The following LEPR variants were observed in gnomAD, a reference collection of about 807,000 sequenced individuals.
LEPR encodes OB receptor.
In LEPR, 56 loss-of-function variants were observed where a neutral mutation model predicts 114.7. That is an observed-to-expected ratio of 0.49 (90% CI 0.39 to 0.61). The LOEUF is 0.61. Ranked by LOEUF, LEPR falls within the 20% of genes least tolerant of loss-of-function variation. The pLI is 0.00. For missense variants in LEPR, 1,202 were observed against 1,352.9 expected (o/e 0.89, Z 1.75); for synonymous variants, 443 against 461.4 (o/e 0.96, Z 0.51).
chr1:65,601,771 A>G, intron 9 of LEPR, 72 bp from the exon 10 acceptor site: 1 of 1,588,672 alleles, frequency 6.3e-7, no homozygotes, highest in Non-Finnish European at 8.6e-7. Flanking sequence ...TTAAAGATGT[A>G]AGAAAAAATT....
chr1:65,543,801 G>A lies in LEPR; in HGVS notation c.-20-21745G>A, dbSNP rs546607752. 1.2e-4 allele frequency among the ~76,000 whole-genome samples: 18 copies of A among 151,976 alleles called. No homozygotes were observed. The South Asian group carries it at 1.7e-3, about 14-fold the overall frequency. ...TGTAGATGTGTGGCATTATTTCTGA[G>A]GCCTCTTTTGGTTCCATTGGCCTAT... On this transcript the variant is annotated intron_variant, in intron 2 of 19. Transcript: ENST00000349533.
chr1:65,467,672 C>T (rs538022009), intron 2 of LEPR, among the ~76,000 whole-genome samples: 10 of 152,330 alleles, frequency 6.6e-5, no homozygotes, highest in Middle Eastern at 3.4e-3. Flanking sequence ...TGAGCCTTGC[C>T]GTGCTGCGGT....
At chr1:65,569,328 A>T (rs1236488977) in intron 3 of LEPR, among the ~76,000 whole-genome samples, 5 of 152,232 alleles carry the variant, frequency 3.3e-5, no homozygotes, top group Non-Finnish European at 5.9e-5. Flanking sequence ...TAGTGTCTAT[A>T]TAAGCCAACA....
At chr1:65,507,747 C>T (rs11208658) in intron 2 of LEPR, among the ~76,000 whole-genome samples, 101,498 of 151,732 alleles carry the variant, frequency 0.67, 34,963 homozygotes, top group Middle Eastern at 0.86. Flanking sequence ...TTTTAGTTTT[C>T]ATATTTTTAA....
rs181745152 is a variant in LEPR at position 65,472,703 on chromosome 1, G to A, written c.-21+47325G>A. ...ATGCCAAAGCCACTTTCTCTTCAGA[G>A]CTGCTTAACTACATGAAGAGTGTGC... On this transcript the variant is annotated intron_variant, in intron 2 of 19. Coordinates refer to ENST00000349533, the MANE Select transcript of LEPR (RefSeq NM_002303.6). Among the ~76,000 whole-genome samples, 162 of 151,730 alleles carry A rather than the reference G, an allele frequency of 1.1e-3. 1 individual carries two copies. The highest frequency in any genetic ancestry group is 6.8e-3 in the Middle Eastern group (2 of 294).
rs1557689179 is a variant in LEPR at position 65,601,960 on chromosome 1, G to GGT, written c.1403+1_1403+2dup. 3.1e-6 allele frequency: 5 copies of GGT among 1,611,726 alleles called. No individual in the cohort carries two copies. Among genetic ancestry groups the GGT allele is most frequent in the Non-Finnish European group, 4.2e-6 (5 of 1,178,072 alleles). ...AGCACTTTGCAATTGAGGTATCATA[G>GGT]GTACGTATTATTTTTGCTGTTTTGT... is the stretch of plus-strand genomic sequence containing the variant. On this transcript the variant is annotated frameshift_variant and splice_region_variant. Transcript: ENST00000349533. LOFTEE classifies it high-confidence loss of function.
At chr1:65,501,342 C>T (rs942847651) in intron 2 of LEPR, among the ~76,000 whole-genome samples, 6 of 151,804 alleles carry the variant, frequency 4.0e-5, no homozygotes, top group African/African-American at 1.2e-4. Flanking sequence ...TAGCCTCAGG[C>T]ATTCCTTGTT....
At chr1:65,582,376 A>G (rs940788999) in intron 5 of LEPR, among the ~76,000 whole-genome samples, 6 of 152,134 alleles carry the variant, frequency 3.9e-5, no homozygotes, top group Admixed American at 1.3e-4. Context: ...GTTTTGAGAT[A>G]AATTCTTGGG....
intron 2 of LEPR, among the ~76,000 whole-genome samples, chr1:65,555,668 A>G (rs1409802): frequency 0.74 from 112,383 of 152,066 alleles, 42,603 homozygotes; most frequent in Middle Eastern, 0.9. Flanking sequence ...TTATGGCAAT[A>G]ATGGGAATTT....
In LEPR at chr1:65,544,348, C is replaced by T. The variant is rs564485650; in HGVS notation, c.-20-21198C>T. On this transcript the variant is annotated intron_variant, in intron 2 of 19. Coordinates refer to ENST00000349533, the MANE Select transcript of LEPR (RefSeq NM_002303.6). ...AGCTTAAGGAGATTTTGGGCTGAGACGATGGGGTTTTCTAAATACACAATC... is the reference window on the plus strand; with the variant it reads ...AGCTTAAGGAGATTTTGGGCTGAGATGATGGGGTTTTCTAAATACACAATC... Among the ~76,000 whole-genome samples, 14 of 152,034 alleles carry T rather than the reference C, an allele frequency of 9.2e-5. 1 individual carries two copies. The highest frequency in any genetic ancestry group is 2.7e-4 in the African/African-American group (11 of 41,346).
chr1:65,593,546 A>T (rs911031053), intron 6 of LEPR, among the ~76,000 whole-genome samples: 2 of 152,176 alleles, frequency 1.3e-5, no homozygotes, highest in South Asian at 2.1e-4. Context: ...TTCTCCACTT[A>T]TATTTCCTGA....
At chr1:65,489,899 A>AT (rs945749467) in intron 2 of LEPR, among the ~76,000 whole-genome samples, 4 of 151,414 alleles carry the variant, frequency 2.6e-5, no homozygotes, top group Admixed American at 6.6e-5. Flanking sequence ...AGAAGGCACA[A>AT]TTTTTTTTTC....
At chr1:65,443,869 G>A (rs1570458866) in intron 2 of LEPR, among the ~76,000 whole-genome samples, 3 of 152,124 alleles carry the variant, frequency 2.0e-5, no homozygotes, top group African/African-American at 7.2e-5. Flanking sequence ...GTAAAGAACA[G>A]ACACAGAGGC....
chr1:65,579,830 T>C (rs1010785147), intron 5 of LEPR, among the ~76,000 whole-genome samples: 1 of 152,180 alleles, frequency 6.6e-6, no homozygotes, highest in Non-Finnish European at 1.5e-5. Flanking sequence ...ATATATATAA[T>C]TTCAGAGCAT....
chr1:65,535,868 T>A lies in LEPR; in HGVS notation c.-20-29678T>A, dbSNP rs371341463. On this transcript the variant is annotated intron_variant, in intron 2 of 19. Transcript: ENST00000349533. ...CTGTGGGAATCTCATTTATTAATAC[T>A]TACAATGTGCTTCATATTCCTCTGC... Among the ~76,000 whole-genome samples the A allele has an allele frequency of 4.6e-5, 7 of 152,326 alleles. No individual in the cohort carries two copies. In the East Asian group the frequency reaches 7.7e-4, roughly 17 times the overall value.
chr1:65,433,559 AGCAG>A (rs1646517489), intron 2 of LEPR: 1 of 984,830 alleles, frequency 1.0e-6, no homozygotes, highest in Admixed American at 6.2e-5. Context: ...CTGAGTAATT[AGCAG>A]GTATGATGCT....
chr1:65,570,452 G>A (rs761290197), intron 3 of LEPR, 21 bp from the exon 4 acceptor site: 1 of 1,607,426 alleles, frequency 6.2e-7, no homozygotes, highest in Non-Finnish European at 8.5e-7. Context: ...TTTTCTATGT[G>A]TCTTTTTAAT....
intron 2 of LEPR, among the ~76,000 whole-genome samples, chr1:65,495,495 T>C (rs1285402113): frequency 2.0e-5 from 3 of 152,038 alleles, no homozygotes; most frequent in Non-Finnish European, 4.4e-5. Flanking sequence ...TAGGGAGGTG[T>C]CCTAAAATAT....
intron 2 of LEPR, among the ~76,000 whole-genome samples, chr1:65,454,731 C>T (rs549214725): frequency 6.6e-6 from 1 of 152,088 alleles, no homozygotes; most frequent in Admixed American, 6.5e-5. Context: ...TCCTTCATTT[C>T]AACTTTGGTG....
Sources: gnomAD v4.1 joint callset for allele counts (sites outside exome capture counted in the v4.1 genomes callset) on GRCh38, gnomAD v4.1.1 for gene constraint, MANE v1.5 for transcripts, NCBI Gene and HGNC (gene_info 2026-07-23, HGNC 2026-07-21) for gene names.